PEDS1: variants seen among roughly 807,000 people sequenced by gnomAD.
The protein encoded by PEDS1 is CarF homolog.
In PEDS1, 14 loss-of-function variants were observed where a neutral mutation model predicts 35.2. The observed-to-expected ratio is 0.40, with a 90% CI of 0.26 to 0.62. The LOEUF is 0.62. PEDS1 is among the 20% of genes least tolerant of loss of function. The pLI is 0.44. For synonymous variants in PEDS1, 152 were observed against 152.0 expected, an observed-to-expected ratio of 1.00 and a Z score of 0.00; for missense variants, 260 against 367.8, an observed-to-expected ratio of 0.71 and a Z score of 2.40.
At chr20:50,137,046 G>A (rs1022311906) in intron 2 of PEDS1, among the ~76,000 whole-genome samples, 1 of 152,042 alleles carries the variant, frequency 6.6e-6, no homozygotes, top group Non-Finnish European at 1.5e-5. Context: ...AAAAGGCGGG[G>A]TGGGGGGAGC....
rs762284409 is a variant in PEDS1, at chr20:50,129,604, G to A, written c.420C>T (p.Cys140=). 3 of 1,614,084 alleles carry A rather than the reference G, an allele frequency of 1.9e-6. No individual in the cohort carries two copies. In the East Asian group the frequency reaches 6.7e-5, roughly 36 times the overall value. ...HDFIETNGDN[C]LVTLLPLLNM... ...TTAGCAGCGGCAGCAGTGTCACCAG[G>A]CAGTTGTCCCCGTTGGTCTCGATGA... The change falls in exon 4 of 6, where the codon TGC becomes TGT. Residue 140 remains cysteine, a synonymous_variant. Coordinates refer to ENST00000371652, the MANE Select transcript of PEDS1 (RefSeq NM_199129.4). The surrounding 1 kb of genome is among the most constrained non-coding windows in gnomAD (Gnocchi z 4.2).
In PEDS1 at chr20:50,130,881, G is replaced by C. The variant is rs1246241029; in HGVS notation, c.308C>G (p.Ser103Cys). Residue 103 changes from serine to cysteine, a missense_variant, in exon 3 of 6, where the codon TCT becomes TGT. By Grantham distance (112) the Ser-to-Cys change is moderately radical. Around this residue, in one of 4 missense-constraint regions of PEDS1, gnomAD observed 34 missense variants for 81.9 expected, o/e 0.41. Coordinates refer to ENST00000371652, the MANE Select transcript of PEDS1 (RefSeq NM_199129.4). ...LVHWGADTWG[S>C]VELPIVGKAF... is the part of the protein sequence containing the mutation. Reference sequence around the variant, plus strand: ...CTTCCCCACAATGGGCAGCTCCACAGAGCCCCATGTGTCAGCACCCCAGTG... The same window carrying C: ...CTTCCCCACAATGGGCAGCTCCACACAGCCCCATGTGTCAGCACCCCAGTG... The C allele has an allele frequency of 3.7e-6, 6 of 1,614,090 alleles. No individual in the cohort carries two copies. The Admixed American group carries it at 1.0e-4, about 27-fold the overall frequency.
Position 50,129,670 on chromosome 20 carries a change from C to T in PEDS1, c.354G>A (p.Arg118=). 6.2e-7 allele frequency: 1 copy of T among 1,614,070 alleles called. No individual in the cohort carries two copies. The change falls in exon 4 of 6, where the codon CGG becomes CGA. Residue 118 remains arginine (R), a synonymous_variant. Transcript: ENST00000371652. The surrounding 1 kb of genome is among the most constrained non-coding windows in gnomAD (Gnocchi z 4.2). ...TAGCTGTCGGGTCAATGTGGTGCTC[C>T]CGGAAGGGTCGGATGAAAGCCTGGA... is the stretch of plus-strand genomic sequence containing the variant. ...IVGKAFIRPF[R]EHHIDPTAIT...
intron 2 of PEDS1, among the ~76,000 whole-genome samples, chr20:50,133,628 C>T (rs1232205721): frequency 6.6e-6 from 1 of 152,166 alleles, no homozygotes; most frequent in East Asian, 1.9e-4. Flanking sequence ...TTTTCTGTTC[C>T]TCTACACAGC....
chr20:50,153,227 G>A (rs1358624237), intron 1 of PEDS1, among the ~76,000 whole-genome samples: 2 of 152,030 alleles, frequency 1.3e-5, no homozygotes, highest in African/African-American at 4.8e-5. Context: ...ATGCCCCGGG[G>A]CTAGGATTCC....
chr20:50,130,722 G>T, intron 3 of PEDS1, 134 bp downstream of exon 3: 1 of 1,123,942 alleles, frequency 8.9e-7, no homozygotes, highest in Non-Finnish European at 1.3e-6. Context: ...TTGCAGCACA[G>T]GGGTGAGGGA....
chr20:50,139,030 T>G (rs1295799186), intron 2 of PEDS1, among the ~76,000 whole-genome samples: 1 of 152,106 alleles, frequency 6.6e-6, no homozygotes, highest in Non-Finnish European at 1.5e-5. Context: ...GCCAAGTGAA[T>G]GCACTGAGGG....
At chr20:50,126,232 A>G (rs1174044521) in intron 5 of PEDS1, among the ~76,000 whole-genome samples, 1 of 152,150 alleles carries the variant, frequency 6.6e-6, no homozygotes, top group Non-Finnish European at 1.5e-5. Flanking sequence ...ATTGCTCACA[A>G]TCTTACAGCC....
intron 1 of PEDS1, among the ~76,000 whole-genome samples, chr20:50,150,909 T>C (rs898152597): frequency 3.3e-5 from 5 of 152,168 alleles, no homozygotes; most frequent in African/African-American, 1.2e-4. Flanking sequence ...TTGGCCAGGC[T>C]GGTCTCGAAC....
intron 5 of PEDS1, among the ~76,000 whole-genome samples, chr20:50,126,394 T>C (rs149218997): frequency 1.1e-3 from 160 of 152,328 alleles, no homozygotes; most frequent in Non-Finnish European, 1.9e-3. Context: ...CTAAATAGCC[T>C]GAATTCTAAT....
intron 1 of PEDS1, among the ~76,000 whole-genome samples, chr20:50,149,945 ATGTTCCAACAAAAGTGGAC>A (rs1364598332): frequency 2.6e-5 from 4 of 152,246 alleles, no homozygotes; most frequent in African/African-American, 7.2e-5. Flanking sequence ...GCCTCAGGAA[ATGTTCCAACAAAAGTGGAC>A]TGGGTGCTCA....
rs1405447032 is a variant in PEDS1 at position 50,120,375 on chromosome 20, CTA to C, written c.*4681_*4682del. On this transcript the variant is annotated 3_prime_UTR_variant, in exon 6 of 6. Transcript: ENST00000371652. ...TGTCCAGGGTCAGCTTATCCATACT[CTA>C]GCCCTGTTTATATTATTTGATATGA... is the stretch of plus-strand genomic sequence containing the variant. The C allele has an allele frequency of 1.2e-5, 2 of 161,658 alleles. No homozygotes were observed. Among genetic ancestry groups the C allele is most frequent in the African/African-American group, 2.4e-5 (1 of 41,794 alleles). 10.0% of individuals were successfully genotyped at this position (161,658 alleles called of 1,614,324 possible).
At chr20:50,130,814 C>T in intron 3 of PEDS1, 42 bp downstream of exon 3, 1 of 1,612,266 alleles carries the variant, frequency 6.2e-7, no homozygotes, top group Non-Finnish European at 8.5e-7. Flanking sequence ...GCCATACAGC[C>T]CAACCTCCTT....
chr20:50,139,142 C>T (rs369100225), intron 2 of PEDS1, among the ~76,000 whole-genome samples: 1 of 152,168 alleles, frequency 6.6e-6, no homozygotes, highest in Non-Finnish European at 1.5e-5. Flanking sequence ...GGCCACGACC[C>T]GAGCCTGGGA....
chr20:50,131,941 C>T (rs1421701934), intron 2 of PEDS1, among the ~76,000 whole-genome samples: 6 of 151,980 alleles, frequency 3.9e-5, no homozygotes, highest in African/African-American at 1.5e-4. Flanking sequence ...CCGTGGCTCA[C>T]ACCTGTAATC....
chr20:50,146,693 C>T (rs534459918), intron 1 of PEDS1, among the ~76,000 whole-genome samples: 4 of 152,242 alleles, frequency 2.6e-5, no homozygotes, highest in South Asian at 4.1e-4. Context: ...AGAAGGGGAA[C>T]GGAACACACC....
chr20:50,137,492 C>T (rs1569045984), intron 2 of PEDS1, among the ~76,000 whole-genome samples: 1 of 152,166 alleles, frequency 6.6e-6, no homozygotes, highest in African/African-American at 2.4e-5. Context: ...CCTCATAACC[C>T]GTAACCCCAG....
At chr20:50,140,797 G>T (rs778392271) in intron 2 of PEDS1, among the ~76,000 whole-genome samples, 11 of 152,176 alleles carry the variant, frequency 7.2e-5, no homozygotes, top group Non-Finnish European at 1.3e-4. Context: ...GGAGATAGGG[G>T]TAGGGGGCAG....
chr20:50,125,794 T>A (rs1271853862), intron 5 of PEDS1, among the ~76,000 whole-genome samples: 1 of 152,182 alleles, frequency 6.6e-6, no homozygotes, highest in African/African-American at 2.4e-5. Context: ...GGTTTCACCA[T>A]GTTGGCCAGG....
Sources: allele counts gnomAD v4.1 joint callset (sites outside exome capture counted in the v4.1 genomes callset), GRCh38; gene constraint gnomAD v4.1.1; regional missense constraint gnomAD v4.1.1; non-coding constraint Gnocchi (gnomAD v3.1); transcripts MANE v1.5; gene names NCBI Gene and HGNC (gene_info 2026-07-23, HGNC 2026-07-21).